The following GPR158 variants were observed in gnomAD, a reference collection of about 807,000 sequenced individuals.
GPR158 encodes the protein metabotropic glycine receptor.
GPR158 carries 30 observed loss-of-function variants against 78.2 expected under a neutral mutation model. That is an observed-to-expected ratio of 0.38 (90% confidence interval 0.29 to 0.52). GPR158 has a LOEUF of 0.52. Ranked by LOEUF, GPR158 falls within the 20% of genes least tolerant of loss-of-function variation. The pLI, the probability that GPR158 is intolerant of heterozygous loss-of-function variation, is 0.83. For synonymous variants in GPR158, 581 were observed against 591.1 expected, an observed-to-expected ratio of 0.98 and a Z score of 0.25; for missense variants, 1,463 against 1,523.5, an observed-to-expected ratio of 0.96 and a Z score of 0.66.
intron 5 of GPR158, among the ~76,000 whole-genome samples, chr10:25,483,532 T>G (rs1319548573): frequency 6.6e-6 from 1 of 152,190 alleles, no homozygotes; most frequent in Non-Finnish European, 1.5e-5. Flanking sequence ...CATGCTGTGT[T>G]ACTTTATTAT....
intron 4 of GPR158, among the ~76,000 whole-genome samples, chr10:25,413,016 T>C (rs945736029): frequency 1.3e-5 from 2 of 152,144 alleles, no homozygotes; most frequent in Admixed American, 1.3e-4. Flanking sequence ...TTGGTTCTAG[T>C]CTAAGTAATC....
intron 4 of GPR158, 82 bp downstream of exon 4, chr10:25,412,555 AG>A (rs1564448207): frequency 3.3e-6 from 3 of 919,436 alleles, no homozygotes; most frequent in Non-Finnish European, 5.3e-6. Context: ...TTCCAATTCA[AG>A]TTGCTTCCCT....
chr10:25,323,758 TC>T (rs2130482136), intron 2 of GPR158, among the ~76,000 whole-genome samples: 1 of 152,076 alleles, frequency 6.6e-6, no homozygotes, highest in African/African-American at 2.4e-5. Flanking sequence ...CCTCAAGTGA[TC>T]CTCCTGACCC....
At chr10:25,254,622 A>G (rs1180412964) in intron 2 of GPR158, among the ~76,000 whole-genome samples, 1 of 152,206 alleles carries the variant, frequency 6.6e-6, no homozygotes, top group Non-Finnish European at 1.5e-5. Flanking sequence ...TAGCATTTAT[A>G]TAACTGCATT....
At chr10:25,309,619 C>G (rs1169363309) in intron 2 of GPR158, among the ~76,000 whole-genome samples, 1 of 152,056 alleles carries the variant, frequency 6.6e-6, no homozygotes, top group Non-Finnish European at 1.5e-5. Flanking sequence ...TGTCCCCACC[C>G]AAATCTAATC....
At chr10:25,449,891 G>C (rs142341106) in intron 4 of GPR158, among the ~76,000 whole-genome samples, 1 of 151,786 alleles carries the variant, frequency 6.6e-6, no homozygotes, top group Non-Finnish European at 1.5e-5. Context: ...GTTATAGAAC[G>C]TGAATTTCTT....
At chr10:25,434,001 T>TA (rs1383555465) in intron 4 of GPR158, among the ~76,000 whole-genome samples, 6 of 151,628 alleles carry the variant, frequency 4.0e-5, no homozygotes, top group East Asian at 1.9e-4. Context: ...CTACTAAAAA[T>TA]AAAAAAAATT....
intron 5 of GPR158, among the ~76,000 whole-genome samples, chr10:25,488,826 A>C (rs1345978683): frequency 1.3e-5 from 2 of 152,068 alleles, no homozygotes; most frequent in African/African-American, 2.4e-5. Flanking sequence ...TTCTGATAAC[A>C]GCTCTATTCT....
chr10:25,326,526 C>T (rs528184046), intron 2 of GPR158, among the ~76,000 whole-genome samples: 5 of 152,108 alleles, frequency 3.3e-5, no homozygotes, highest in Middle Eastern at 3.4e-3. Flanking sequence ...TTGCTGTGCA[C>T]GATCTCATTT....
intron 2 of GPR158, among the ~76,000 whole-genome samples, chr10:25,310,181 G>A (rs1854743428): frequency 1.3e-5 from 2 of 152,100 alleles, no homozygotes. Context: ...GAGTAGCATT[G>A]GCAACTTGTT....
chr10:25,189,816 G>A (rs75247045), intron 1 of GPR158, among the ~76,000 whole-genome samples: 3 of 145,074 alleles, frequency 2.1e-5, no homozygotes, highest in African/African-American at 5.1e-5. Flanking sequence ...AAAAAAAAAA[G>A]AGAAAAGAAA....
At chr10:25,187,998 CAG>C (rs1284851106) in intron 1 of GPR158, among the ~76,000 whole-genome samples, 2 of 152,150 alleles carry the variant, frequency 1.3e-5, no homozygotes, top group East Asian at 1.9e-4. Context: ...AACAGACAAA[CAG>C]AGAGCCAAAT....
At chr10:25,215,122 A>G (rs1853190507) in intron 1 of GPR158, among the ~76,000 whole-genome samples, 1 of 152,236 alleles carries the variant, frequency 6.6e-6, no homozygotes, top group African/African-American at 2.4e-5. Flanking sequence ...CAGTGGGCCC[A>G]CCACAGATGA....
At chr10:25,406,480 GA>G (rs1329629529) in intron 3 of GPR158, among the ~76,000 whole-genome samples, 1 of 152,102 alleles carries the variant, frequency 6.6e-6, no homozygotes, top group Non-Finnish European at 1.5e-5. Flanking sequence ...TGAAATAGTT[GA>G]AAGGATCAGA....
rs138424383 is a variant in GPR158 at position 25,190,541 on chromosome 10, T to C, written c.902+14219T>C. 5.9e-4 allele frequency among the ~76,000 whole-genome samples: 90 copies of C among 152,216 alleles called. 1 individual carries two copies. Among genetic ancestry groups the C allele is most frequent in the African/African-American group, 2.0e-3 (83 of 41,526 alleles). ...AGAGATGGGATTTTATCATGTTCCC[T>C]AGGCTGGTTGAACTCCCGGGCTCAA... On this transcript the variant is annotated intron_variant, in intron 1 of 10. Coordinates refer to ENST00000376351, the MANE Select transcript of GPR158 (RefSeq NM_020752.3).
chr10:25,224,231 T>A (rs1853341263), intron 2 of GPR158, among the ~76,000 whole-genome samples: 1 of 152,122 alleles, frequency 6.6e-6, no homozygotes, highest in Non-Finnish European at 1.5e-5. Context: ...TTCATATTAA[T>A]TTTTGTTTTA....
chr10:25,379,219 A>G (rs12782787), intron 2 of GPR158, among the ~76,000 whole-genome samples: 7,208 of 152,254 alleles, frequency 0.047, 478 homozygotes, highest in African/African-American at 0.14. Flanking sequence ...TTCTATTGCT[A>G]TTCATTCCCT....
At chr10:25,384,881 T>A (rs546720805) in intron 2 of GPR158, among the ~76,000 whole-genome samples, 1 of 152,310 alleles carries the variant, frequency 6.6e-6, no homozygotes, top group East Asian at 1.9e-4. Context: ...ATCATGCCGA[T>A]TGCAATACGA....
Position 25,598,018 on chromosome 10 carries a change from A to T in GPR158, c.2392A>T (p.Asn798Tyr), listed in dbSNP as rs1837434053. Residue 798 changes from asparagine (N) to tyrosine (Y), a missense_variant, in exon 11 of 11, where the codon AAC becomes TAC. Coordinates refer to ENST00000376351, the MANE Select transcript of GPR158 (RefSeq NM_020752.3). ...GAAGAACCCCCCAGAGTCTTCAGGG[A>T]ACACAGGGAAATCCAAGGAGGAGAC... Reference protein sequence around the residue: ...IRKNPPESSGNTGKSKEETLK... With the variant: ...IRKNPPESSGYTGKSKEETLK... The T allele has an allele frequency of 1.2e-6, 2 of 1,614,006 alleles. No homozygotes were observed. The highest frequency in any genetic ancestry group is 2.7e-5 in the African/African-American group (2 of 74,928).
Sources: gnomAD v4.1 joint callset for allele counts (sites outside exome capture counted in the v4.1 genomes callset) on GRCh38, gnomAD v4.1.1 for gene constraint, MANE v1.5 for transcripts, NCBI Gene and HGNC (gene_info 2026-07-23, HGNC 2026-07-21) for gene names.